Variants in DACH1 observed in about 807,000 individuals in gnomAD.
The protein encoded by DACH1 is dachshund family transcription factor 1.
Under a neutral mutation model 54.2 loss-of-function variants are expected in DACH1, and 12 were observed. The observed-to-expected ratio is 0.22, with a 90% CI of 0.14 to 0.36. The LOEUF (loss-of-function observed/expected upper bound fraction) is 0.36, where lower values mean the gene tolerates loss of function less well. Ranked by LOEUF, DACH1 falls within the 10% of genes least tolerant of loss-of-function variation. The pLI, the probability that DACH1 is intolerant of heterozygous loss-of-function variation, is 1.00. For missense variants in DACH1, 805 were observed against 929.8 expected (o/e 0.87, Z 1.75); for synonymous variants, 386 against 366.2 (o/e 1.05, Z -0.62).
intron 2 of DACH1, among the ~76,000 whole-genome samples, chr13:71,678,951 G>T (rs1880729131): frequency 6.6e-6 from 1 of 152,118 alleles, no homozygotes; most frequent in South Asian, 2.1e-4. Context: ...TGAACCCCGG[G>T]CCCAGCCTAA....
At chr13:71,649,926 C>T (rs1878556756) in intron 2 of DACH1, among the ~76,000 whole-genome samples, 1 of 152,124 alleles carries the variant, frequency 6.6e-6, no homozygotes, top group Admixed American at 6.5e-5. Context: ...TCTTGGAATT[C>T]AAATTCTTTA....
chr13:71,569,634 C>T (rs995282021), intron 4 of DACH1, among the ~76,000 whole-genome samples: 2 of 152,022 alleles, frequency 1.3e-5, no homozygotes, highest in East Asian at 3.9e-4. Flanking sequence ...ACTTTTGGAG[C>T]TCCTTTACTT....
intron 2 of DACH1, among the ~76,000 whole-genome samples, chr13:71,672,774 G>A (rs1347190684): frequency 6.6e-6 from 1 of 152,038 alleles, no homozygotes; most frequent in African/African-American, 2.4e-5. Flanking sequence ...ACAACATGTG[G>A]CACATCCACA....
intron 1 of DACH1, among the ~76,000 whole-genome samples, chr13:71,843,293 T>C (rs566074581): frequency 6.6e-6 from 1 of 152,196 alleles, no homozygotes; most frequent in South Asian, 2.1e-4. Flanking sequence ...TGAGACAGGG[T>C]CTTACCCTGT....
rs181231669 is a variant in DACH1, at chr13:71,647,076, C to T, written c.965-16359G>A. On this transcript the variant is annotated intron_variant, in intron 2 of 10. Transcript: ENST00000613252. Reference sequence around the variant, plus strand: ...CAACAGACTTATAATATTTAAATAACGAAAATGATTTTTACTTAGCATCTG... The same window carrying T: ...CAACAGACTTATAATATTTAAATAATGAAAATGATTTTTACTTAGCATCTG... Among the ~76,000 whole-genome samples the T allele has an allele frequency of 4.9e-4, 74 of 152,244 alleles. 1 individual carries two copies. In the South Asian group the frequency reaches 8.7e-3, roughly 18 times the overall value.
intron 1 of DACH1, among the ~76,000 whole-genome samples, chr13:71,719,544 G>A (rs1883136299): frequency 6.6e-6 from 1 of 152,092 alleles, no homozygotes; most frequent in African/African-American, 2.4e-5. Context: ...CACTATCTGT[G>A]TGTATTATTC....
intron 4 of DACH1, among the ~76,000 whole-genome samples, chr13:71,567,266 C>G (rs1442026334): frequency 1.3e-5 from 2 of 151,874 alleles, no homozygotes; most frequent in African/African-American, 4.8e-5. Flanking sequence ...GTGTATCCAA[C>G]AATGTAGGGT....
At chr13:71,554,573 C>T (rs1404107364) in intron 6 of DACH1, among the ~76,000 whole-genome samples, 1 of 152,060 alleles carries the variant, frequency 6.6e-6, no homozygotes, top group Non-Finnish European at 1.5e-5. Flanking sequence ...AAAATTCCAC[C>T]TTTGGCCTTG....
intron 1 of DACH1, among the ~76,000 whole-genome samples, chr13:71,707,120 G>A (rs1011025800): frequency 7.4e-4 from 113 of 152,306 alleles, no homozygotes; most frequent in African/African-American, 2.7e-3. Context: ...CATTAAGACA[G>A]GTCTGTCCCC....
chr13:71,768,198 A>G (rs1398931564), intron 1 of DACH1, among the ~76,000 whole-genome samples: 2 of 151,906 alleles, frequency 1.3e-5, no homozygotes, highest in Non-Finnish European at 2.9e-5. Flanking sequence ...CATTAATTCT[A>G]CCTTCATCGT....
chr13:71,736,269 T>C (rs539630267), intron 1 of DACH1, among the ~76,000 whole-genome samples: 1 of 152,134 alleles, frequency 6.6e-6, no homozygotes, highest in Non-Finnish European at 1.5e-5. Flanking sequence ...TTAGAATAGA[T>C]TACCATGATG....
intron 1 of DACH1, among the ~76,000 whole-genome samples, chr13:71,832,797 T>C (rs1299059212): frequency 3.9e-5 from 6 of 151,946 alleles, no homozygotes; most frequent in Non-Finnish European, 2.9e-5. Flanking sequence ...TTTCATTTTG[T>C]TTATTCTCAT....
intron 1 of DACH1, among the ~76,000 whole-genome samples, chr13:71,792,852 TAC>T (rs1472606953): frequency 1.3e-5 from 2 of 152,152 alleles, no homozygotes; most frequent in Non-Finnish European, 2.9e-5. Flanking sequence ...TAGGAGCACC[TAC>T]ATTAATTTTA....
At chr13:71,584,173 T>C (rs2138441346) in intron 3 of DACH1, among the ~76,000 whole-genome samples, 1 of 152,300 alleles carries the variant, frequency 6.6e-6, no homozygotes, top group Non-Finnish European at 1.5e-5. Context: ...AATGTTGCTC[T>C]TAATTAAAAT....
At chr13:71,608,723 A>C (rs1395766206) in intron 3 of DACH1, among the ~76,000 whole-genome samples, 3 of 152,124 alleles carry the variant, frequency 2.0e-5, no homozygotes, top group Non-Finnish European at 4.4e-5. Context: ...ATGATTCTTC[A>C]AAAGGAAAAA....
intron 3 of DACH1, among the ~76,000 whole-genome samples, chr13:71,620,744 T>C (rs1876172419): frequency 1.3e-5 from 2 of 152,040 alleles, no homozygotes; most frequent in Admixed American, 1.3e-4. Flanking sequence ...ATATAAATAT[T>C]AAATGTTTTA....
chr13:71,553,893 G>A (rs1276437184), intron 6 of DACH1, among the ~76,000 whole-genome samples: 2 of 151,674 alleles, frequency 1.3e-5, no homozygotes, highest in African/African-American at 4.8e-5. Flanking sequence ...AGACCACAGT[G>A]ATTCTCAGAA....
chr13:71,797,578 G>C (rs1264628498), intron 1 of DACH1, among the ~76,000 whole-genome samples: 1 of 152,028 alleles, frequency 6.6e-6, no homozygotes, highest in Non-Finnish European at 1.5e-5. Context: ...TGATTTAGAG[G>C]CCTATGGGGA....
chr13:71,556,851 A>C (rs1209735703), intron 6 of DACH1, among the ~76,000 whole-genome samples, 173 bp downstream of exon 6: 1 of 151,962 alleles, frequency 6.6e-6, no homozygotes, highest in Admixed American at 6.6e-5. Context: ...CTTCATTCTT[A>C]TCTCTTTTTT....
Sources: gnomAD v4.1 joint callset for allele counts (sites outside exome capture counted in the v4.1 genomes callset) on GRCh38, gnomAD v4.1.1 for gene constraint, MANE v1.5 for transcripts, NCBI Gene and HGNC (gene_info 2026-07-23, HGNC 2026-07-21) for gene names.